RAB31: variants seen among roughly 807,000 people sequenced by gnomAD.
RAB31 encodes the protein RAB31, member RAS oncogene family.
Under a neutral mutation model 25.6 loss-of-function variants are expected in RAB31, and 21 were observed. That is an observed-to-expected ratio of 0.82 (90% CI 0.58 to 1.18). The LOEUF is 1.18. RAB31 is among the 50% of genes most tolerant of loss of function. RAB31 has a pLI of 0.00. For missense variants in RAB31, 196 were observed against 250.1 expected, an observed-to-expected ratio of 0.78 and a Z score of 1.46; for synonymous variants, 87 against 84.0, an observed-to-expected ratio of 1.04 and a Z score of -0.20.
chr18:9,794,000 A>G (rs1237059938), intron 3 of RAB31, among the ~76,000 whole-genome samples: 1 of 152,082 alleles, frequency 6.6e-6, no homozygotes, highest in Non-Finnish European at 1.5e-5. Flanking sequence ...GTGCAATCAC[A>G]GCTCACCTCA....
intron 3 of RAB31, among the ~76,000 whole-genome samples, chr18:9,802,015 G>C (rs963567681): frequency 1.3e-5 from 2 of 152,188 alleles, no homozygotes; most frequent in African/African-American, 4.8e-5. Flanking sequence ...TGGACTCTGA[G>C]TTCTATTCCT....
chr18:9,712,529 A>G (rs187914084), intron 1 of RAB31, among the ~76,000 whole-genome samples: 6 of 152,150 alleles, frequency 3.9e-5, no homozygotes, highest in African/African-American at 1.4e-4. Context: ...AAGTATGTTA[A>G]CAACAACAAC....
intron 3 of RAB31, among the ~76,000 whole-genome samples, chr18:9,813,778 G>A (rs1027784127): frequency 6.6e-6 from 1 of 152,128 alleles, no homozygotes; most frequent in Non-Finnish European, 1.5e-5. Context: ...CTTGAACCTA[G>A]GAGGTGGAGG....
chr18:9,798,766 A>G (rs2068499204), intron 3 of RAB31, among the ~76,000 whole-genome samples: 1 of 145,964 alleles, frequency 6.9e-6, no homozygotes, highest in Non-Finnish European at 1.5e-5. Flanking sequence ...CTACCAGTGT[A>G]TGCCACCATG....
chr18:9,841,987 C>G (rs1281723523), intron 5 of RAB31, among the ~76,000 whole-genome samples: 2 of 152,048 alleles, frequency 1.3e-5, no homozygotes, highest in South Asian at 4.1e-4. Context: ...GGGCCTAATG[C>G]AGGAGCTTAG....
chr18:9,808,710 G>A (rs995455686), intron 3 of RAB31, among the ~76,000 whole-genome samples: 1 of 152,180 alleles, frequency 6.6e-6, no homozygotes, highest in Non-Finnish European at 1.5e-5. Flanking sequence ...CAGCATAGGC[G>A]CCCAGGCCGA....
chr18:9,754,514 A>G (rs1158340656), intron 1 of RAB31, among the ~76,000 whole-genome samples: 1 of 152,112 alleles, frequency 6.6e-6, no homozygotes, highest in Non-Finnish European at 1.5e-5. Flanking sequence ...TTCTGACCTC[A>G]AGTGATCCAC....
In RAB31 at chr18:9,802,804, C is replaced by T. The variant is rs1241347205; in HGVS notation, c.201+10569C>T. Reference sequence around the variant, plus strand: ...ATGGGTCCTTGAGAAAGCAAAGGAACTGGAGGCAGCAGATAGCTGAGGTCA... The same window carrying T: ...ATGGGTCCTTGAGAAAGCAAAGGAATTGGAGGCAGCAGATAGCTGAGGTCA... On this transcript the variant is annotated intron_variant, in intron 3 of 6. Coordinates refer to ENST00000578921, the MANE Select transcript of RAB31 (RefSeq NM_006868.4). 2.0e-5 allele frequency among the ~76,000 whole-genome samples: 3 copies of T among 152,234 alleles called. No individual in the cohort carries two copies. The East Asian group carries it at 5.8e-4, about 29-fold the overall frequency.
chr18:9,812,088 A>G (rs553045948), intron 3 of RAB31, among the ~76,000 whole-genome samples: 1 of 152,110 alleles, frequency 6.6e-6, no homozygotes, highest in Non-Finnish European at 1.5e-5. Flanking sequence ...CAGGGCAGGG[A>G]GAGAAGGGAG....
chr18:9,765,686 A>G (rs948335080), intron 1 of RAB31, among the ~76,000 whole-genome samples: 8 of 152,170 alleles, frequency 5.3e-5, no homozygotes, highest in Non-Finnish European at 8.8e-5. Flanking sequence ...TAAGCCCTGG[A>G]ATGGGATCCA....
chr18:9,812,905 C>T (rs890993136), intron 3 of RAB31, among the ~76,000 whole-genome samples: 23 of 151,764 alleles, frequency 1.5e-4, no homozygotes, highest in African/African-American at 4.8e-4. Context: ...CCATATTGGC[C>T]AGGCTGTTCT....
At chr18:9,759,414 T>C (rs2068276328) in intron 1 of RAB31, among the ~76,000 whole-genome samples, 1 of 151,746 alleles carries the variant, frequency 6.6e-6, no homozygotes, top group Non-Finnish European at 1.5e-5. Context: ...CAAGTAAACC[T>C]CCCACCTCAG....
chr18:9,832,468 C>G (rs140556353), intron 5 of RAB31, among the ~76,000 whole-genome samples: 4 of 152,210 alleles, frequency 2.6e-5, no homozygotes, highest in African/African-American at 9.7e-5. Context: ...CAGCACAGAC[C>G]GTCAGCAACC....
chr18:9,789,676 T>A lies in RAB31; in HGVS notation c.120-2478T>A, dbSNP rs558117566. Among the ~76,000 whole-genome samples, 11 of 152,192 alleles carry A rather than the reference T, an allele frequency of 7.2e-5. No homozygotes were observed. In the East Asian group the frequency reaches 1.9e-3, roughly 27 times the overall value. ...TTTATTTTCTTTCTGGTTTTTTGAA[T>A]TTTTTTTATGAAATACATATGTTGC... is the stretch of plus-strand genomic sequence containing the variant. On this transcript the variant is annotated intron_variant, in intron 2 of 6. Transcript: ENST00000578921.
At chr18:9,742,315 G>A (rs1466341136) in intron 1 of RAB31, among the ~76,000 whole-genome samples, 3 of 152,198 alleles carry the variant, frequency 2.0e-5, no homozygotes, top group Non-Finnish European at 4.4e-5. Flanking sequence ...CTGAAGAGTG[G>A]ATGGGCCTTC....
At chr18:9,784,263 C>T (rs1163398582) in intron 2 of RAB31, among the ~76,000 whole-genome samples, 1 of 151,680 alleles carries the variant, frequency 6.6e-6, no homozygotes, top group East Asian at 1.9e-4. Flanking sequence ...TGGTCTTGAA[C>T]TCCTGGCCTC....
intron 1 of RAB31, among the ~76,000 whole-genome samples, chr18:9,734,527 C>T (rs565709981): frequency 6.6e-6 from 1 of 152,288 alleles, no homozygotes; most frequent in African/African-American, 2.4e-5. Context: ...GCCTGGCAGC[C>T]TGGGGAGCCT....
At chr18:9,745,645 G>A (rs58463462) in intron 1 of RAB31, among the ~76,000 whole-genome samples, 5 of 152,106 alleles carry the variant, frequency 3.3e-5, no homozygotes, top group Non-Finnish European at 5.9e-5. Context: ...AAAACGGATC[G>A]ATGTAATACA....
rs2068848227 is a variant in RAB31, at chr18:9,861,627, A to G, written c.*2302A>G. On this transcript the variant is annotated 3_prime_UTR_variant, in exon 7 of 7. Coordinates refer to ENST00000578921, the MANE Select transcript of RAB31 (RefSeq NM_006868.4). ...GGGATTACTTCCTGGCTGTCTAATA[A>G]TTGAACCATAACCATGTAATATTAT... 6.6e-6 allele frequency: 1 copy of G among 152,236 alleles called. No individual in the cohort carries two copies. Among genetic ancestry groups the G allele is most frequent in the Non-Finnish European group, 1.5e-5 (1 of 68,036 alleles). The allele number at this position is 152,236 out of a possible 1,614,324, so 9.4% of individuals were successfully genotyped here. A position where few individuals can be genotyped will look rare whatever the true frequency, so the allele number is the denominator to read the frequency against.
Sources: allele counts gnomAD v4.1 joint callset (sites outside exome capture counted in the v4.1 genomes callset), GRCh38; gene constraint gnomAD v4.1.1; transcripts MANE v1.5; gene names NCBI Gene and HGNC (gene_info 2026-07-23, HGNC 2026-07-21).